Variants in KMT2C observed in about 807,000 individuals in gnomAD.
The protein encoded by KMT2C is lysine methyltransferase 2C.
In KMT2C, 88 loss-of-function variants were observed where a neutral mutation model predicts 507.9. The observed-to-expected ratio is 0.17, with a 90% CI of 0.15 to 0.21. The LOEUF (loss-of-function observed/expected upper bound fraction) is 0.21, where lower values mean the gene tolerates loss of function less well. Among genes scored for constraint, KMT2C ranks in the 10% least tolerant of loss-of-function variants. KMT2C has a pLI of 1.00. For synonymous variants in KMT2C, 2,049 were observed against 2,080.8 expected (o/e 0.98, Z 0.42); for missense variants, 4,954 against 5,957.8 (o/e 0.83, Z 5.55).
At chr7:152,250,710 A>C (rs1195140405) in intron 12 of KMT2C, 143 bp downstream of exon 12, 2 of 548,258 alleles carry the variant, frequency 3.6e-6, no homozygotes, top group Admixed American at 3.4e-5. Context: ...TTCTCCTATT[A>C]ATTTGTCTAA....
chr7:152,423,158 G>A (rs2097788620), intron 1 of KMT2C, among the ~76,000 whole-genome samples: 2 of 152,132 alleles, frequency 1.3e-5, no homozygotes, highest in African/African-American at 4.8e-5. Flanking sequence ...TGACCAACAT[G>A]GTGAAACCCT....
At chr7:152,249,264 T>C (rs6955082) in intron 13 of KMT2C, among the ~76,000 whole-genome samples, 38 of 151,992 alleles carry the variant, frequency 2.5e-4, no homozygotes, top group African/African-American at 9.2e-4. Flanking sequence ...ATTTTTAAGT[T>C]ATAGTAAAAA....
At chr7:152,351,572 A>G (rs949777394) in intron 2 of KMT2C, among the ~76,000 whole-genome samples, 2 of 152,250 alleles carry the variant, frequency 1.3e-5, no homozygotes, top group Non-Finnish European at 2.9e-5. Flanking sequence ...AACAATTGTA[A>G]TATGCATCCC....
At position 152,163,519 on chromosome 7, in the gene KMT2C, G is replaced by A. The variant is rs1237749147; in HGVS notation, c.10058C>T (p.Pro3353Leu). 2 of 1,613,304 alleles carry A rather than the reference G, an allele frequency of 1.2e-6. No homozygotes were observed. The highest frequency in any genetic ancestry group is 2.2e-5 in the South Asian group (2 of 91,032). Residue 3353 changes from proline (P) to leucine (L), a missense_variant, in exon 43 of 59, where the codon CCC becomes CTC. Pro to Leu is a moderately conservative substitution (Grantham distance 98). Coordinates refer to ENST00000262189, the MANE Select transcript of KMT2C (RefSeq NM_170606.3). ...TTTTATTGGTAACTGGGCAATTGGG[G>A]GCTGAATTCTAGGAGGATTGAGGGG... is the stretch of plus-strand genomic sequence containing the variant. The part of the protein sequence containing the change: ...HLPLNPPRIQ[P>L]PIAQLPIKTC...
At chr7:152,237,493 G>GT (rs1301136534) in intron 15 of KMT2C, among the ~76,000 whole-genome samples, 19 of 86,808 alleles carry the variant, frequency 2.2e-4, no homozygotes, top group African/African-American at 4.5e-4. Context: ...TTTTTTGGGG[G>GT]TTTTTTTTGT....
chr7:152,296,997 A>AAGAAAAAGAAAGAAAGAAAG (rs1235502213), intron 6 of KMT2C, among the ~76,000 whole-genome samples: 3 of 59,008 alleles, frequency 5.1e-5, no homozygotes, highest in African/African-American at 1.6e-4. Context: ...GAAAGAAAGA[A>AAGAAAAAGAAAGAAAGAAAG]AAAGAAAGAA....
At chr7:152,142,583 T>G (rs564948242) in intron 55 of KMT2C, among the ~76,000 whole-genome samples, 3 of 152,250 alleles carry the variant, frequency 2.0e-5, no homozygotes, top group Non-Finnish European at 2.9e-5. Flanking sequence ...ACCTCACGTT[T>G]GGGAATATAC....
intron 25 of KMT2C, 26 bp from the exon 26 acceptor site, chr7:152,203,090 T>C (rs557056036): frequency 1.9e-6 from 3 of 1,552,116 alleles, no homozygotes; most frequent in Admixed American, 2.0e-5. Flanking sequence ...CATTTATAAA[T>C]ATGTGACATT....
At chr7:152,164,209 A>G (rs1340645664) in intron 42 of KMT2C, among the ~76,000 whole-genome samples, 2 of 152,196 alleles carry the variant, frequency 1.3e-5, no homozygotes, top group African/African-American at 4.8e-5. Flanking sequence ...TACAATATAC[A>G]ATGTTAGAAT....
chr7:152,220,977 A>C (rs938917353), intron 22 of KMT2C, among the ~76,000 whole-genome samples: 2 of 152,202 alleles, frequency 1.3e-5, no homozygotes, highest in African/African-American at 4.8e-5. Flanking sequence ...TTCCTGGGCC[A>C]GGTGCAGGGG....
At chr7:152,232,608 G>C (rs2095153913) in intron 16 of KMT2C, among the ~76,000 whole-genome samples, 1 of 152,032 alleles carries the variant, frequency 6.6e-6, no homozygotes, top group South Asian at 2.1e-4. Flanking sequence ...AAATAAGAAG[G>C]ACTGAGGAGT....
chr7:152,364,901 C>T (rs1467817304), intron 1 of KMT2C, among the ~76,000 whole-genome samples: 2 of 150,984 alleles, frequency 1.3e-5, no homozygotes, highest in African/African-American at 4.9e-5. Flanking sequence ...TATAAGCCCA[C>T]AGATCCAAGC....
At chr7:152,427,244 G>C (rs1417977175) in intron 1 of KMT2C, among the ~76,000 whole-genome samples, 2 of 152,038 alleles carry the variant, frequency 1.3e-5, no homozygotes, top group Non-Finnish European at 2.9e-5. Context: ...TTGAACTCCT[G>C]ACCTCGTGAC....
rs536013179 is a variant in KMT2C, at chr7:152,148,750, C to T, written c.13177G>A (p.Asp4393Asn). 1.2e-6 allele frequency: 2 copies of T among 1,614,202 alleles called. No homozygotes were observed. The highest frequency in any genetic ancestry group is 2.2e-5 in the South Asian group (2 of 91,086). ...TTCCGATAGTCTTTGGGCACAGGAT[C>T]AGGTTTAAGGGAAGTGCCCAATTTC... Reference protein sequence around the residue: ...LKKLGTSLKPDPVPKDYRKCC... With the variant: ...LKKLGTSLKPNPVPKDYRKCC... Residue 4393 changes from aspartate to asparagine, a missense_variant, in exon 52 of 59, where the codon GAT (aspartate) becomes AAT (asparagine). By Grantham distance (23) the Asp-to-Asn change is conservative. This residue lies in a region of KMT2C where 417 missense variants were observed against 461.1 expected (regional missense o/e 0.90). Coordinates refer to ENST00000262189, the MANE Select transcript of KMT2C (RefSeq NM_170606.3). This position sits in a 1 kb window ranked among gnomAD's most constrained non-coding sequence, Gnocchi z 7.1.
intron 1 of KMT2C, among the ~76,000 whole-genome samples, chr7:152,415,175 G>C (rs1451766215): frequency 6.6e-6 from 1 of 152,032 alleles, no homozygotes; most frequent in Non-Finnish European, 1.5e-5. Context: ...CTTATTACTA[G>C]TCCTAGATTA....
chr7:152,307,195 G>A (rs62495469), intron 6 of KMT2C, among the ~76,000 whole-genome samples: 1,223 of 64,876 alleles, frequency 0.019, 38 homozygotes, highest in Non-Finnish European at 0.024. Flanking sequence ...AAAGAAGAGG[G>A]AGGAAGGAAG....
chr7:152,198,019 G>A (rs1433575435), intron 27 of KMT2C, among the ~76,000 whole-genome samples: 1 of 145,966 alleles, frequency 6.9e-6, no homozygotes, highest in East Asian at 2.0e-4. Flanking sequence ...AGTGCAAAGA[G>A]CTCCTATTTA....
rs2129120298 is a variant in KMT2C at position 152,181,762 on chromosome 7, G to A, written c.6098C>T (p.Pro2033Leu). The A allele has an allele frequency of 1.2e-6, 2 of 1,614,136 alleles. No individual in the cohort carries two copies. Among genetic ancestry groups the A allele is most frequent in the Non-Finnish European group, 1.7e-6 (2 of 1,180,034 alleles). ...PDSYARPLLT[P>L]APLDSGPGPF... ...TCCAGGACCACTATCAAGAGGTGCAGGTGTCAACAAGGGTCGTGCATATGA... is the reference window on the plus strand; with the variant it reads ...TCCAGGACCACTATCAAGAGGTGCAAGTGTCAACAAGGGTCGTGCATATGA... Residue 2033 changes from proline to leucine, a missense_variant, in exon 36 of 59, where the codon CCT becomes CTT. Coordinates refer to ENST00000262189, the MANE Select transcript of KMT2C (RefSeq NM_170606.3).
chr7:152,388,947 C>T (rs1426570876), intron 1 of KMT2C, among the ~76,000 whole-genome samples: 3 of 152,010 alleles, frequency 2.0e-5, no homozygotes, highest in African/African-American at 7.2e-5. Flanking sequence ...AGGGTTTCTC[C>T]GTGTTGGTCA....
Sources: allele counts gnomAD v4.1 joint callset (sites outside exome capture counted in the v4.1 genomes callset), GRCh38; gene constraint gnomAD v4.1.1; regional missense constraint gnomAD v4.1.1; non-coding constraint Gnocchi (gnomAD v3.1); transcripts MANE v1.5; gene names NCBI Gene and HGNC (gene_info 2026-07-23, HGNC 2026-07-21).